Variants in PHF20 observed in about 807,000 individuals in gnomAD.
PHF20 encodes the protein PHD finger protein 20.
In PHF20, 23 loss-of-function variants were observed where a neutral mutation model predicts 113.5. That is an observed-to-expected ratio of 0.20 (90% CI 0.15 to 0.29). PHF20 has a LOEUF of 0.29. PHF20 is among the 10% of genes least tolerant of loss of function. PHF20 has a pLI of 1.00. For synonymous variants in PHF20, 434 were observed against 457.3 expected (o/e 0.95, Z 0.65); for missense variants, 943 against 1,219.6 (o/e 0.77, Z 3.38).
chr20:35,919,131 C>T (rs996054293), intron 13 of PHF20, among the ~76,000 whole-genome samples: 2 of 151,868 alleles, frequency 1.3e-5, no homozygotes, highest in African/African-American at 4.8e-5. Context: ...ATTCGCCTGC[C>T]TCCACTGCCC....
chr20:35,888,645 A>G (rs895445646), intron 9 of PHF20, among the ~76,000 whole-genome samples: 2 of 152,032 alleles, frequency 1.3e-5, no homozygotes, highest in Non-Finnish European at 2.9e-5. Context: ...TCTTCTGGGC[A>G]TGGTGGCTCA....
intron 2 of PHF20, among the ~76,000 whole-genome samples, chr20:35,802,387 C>T (rs933132891): frequency 4.0e-5 from 6 of 151,680 alleles, no homozygotes; most frequent in Non-Finnish European, 5.9e-5. Flanking sequence ...CTCTGTCACC[C>T]AGGCAGATCT....
chr20:35,822,792 T>C (rs1031994217), intron 2 of PHF20, among the ~76,000 whole-genome samples: 9 of 146,740 alleles, frequency 6.1e-5, no homozygotes, highest in Admixed American at 2.1e-4. Context: ...GAGCCATGAT[T>C]ATGCCACTGC....
intron 9 of PHF20, among the ~76,000 whole-genome samples, chr20:35,880,031 G>T (rs1358327400): frequency 6.6e-6 from 1 of 152,060 alleles, no homozygotes; most frequent in Non-Finnish European, 1.5e-5. Flanking sequence ...GAGAGAGAAA[G>T]AAATTAATTG....
intron 13 of PHF20, 100 bp from the exon 14 acceptor site, chr20:35,927,680 C>T (rs1452282087): frequency 1.1e-6 from 1 of 886,792 alleles, no homozygotes; most frequent in South Asian, 1.3e-5. Flanking sequence ...CTCCCCTCTC[C>T]TTCTATCCTC....
At position 35,871,152 on chromosome 20, in the gene PHF20, G is replaced by T; in HGVS notation, c.1102+18G>T. 6.3e-7 allele frequency: 1 copy of T among 1,591,240 alleles called. No individual in the cohort carries two copies. The highest frequency in any genetic ancestry group is 1.2e-5 in the South Asian group (1 of 86,448). On this transcript the variant is annotated intron_variant, in intron 8 of 17. Transcript: ENST00000374012. ...TGAAGAAGGTGAGTCAGTCTGTTCA[G>T]GAATTGTCTTGCCAACCTGGTTCCT...
At chr20:35,855,930 C>T (rs778031969) in intron 4 of PHF20, among the ~76,000 whole-genome samples, 38 of 152,152 alleles carry the variant, frequency 2.5e-4, no homozygotes, top group Non-Finnish European at 5.3e-4. Context: ...TCACCCGCCT[C>T]GGTCTCCCAA....
chr20:35,923,158 G>A (rs942672901), intron 13 of PHF20, among the ~76,000 whole-genome samples: 1 of 152,172 alleles, frequency 6.6e-6, no homozygotes, highest in African/African-American at 2.4e-5. Flanking sequence ...GCGTATGGCT[G>A]TGTTCACATA....
At chr20:35,802,899 A>G (rs1331764898) in intron 2 of PHF20, among the ~76,000 whole-genome samples, 3 of 144,928 alleles carry the variant, frequency 2.1e-5, no homozygotes, top group Admixed American at 7.2e-5. Context: ...AGATTGCACC[A>G]CTGCACTCCA....
rs986965125 is a variant in PHF20 at position 35,813,043 on chromosome 20, A to T, written c.83+11438A>T. Among the ~76,000 whole-genome samples, 4 of 152,134 alleles carry T rather than the reference A, an allele frequency of 2.6e-5. No homozygotes were observed. In the East Asian group the frequency reaches 7.7e-4, roughly 29 times the overall value. The stretch of plus-strand genomic sequence containing the variant: ...GAGCACAGTGGTGCGATCTTGGCTC[A>T]CTGCAAGCTCTGCCTCTCAGGTTCA... On this transcript the variant is annotated intron_variant, in intron 2 of 17. Coordinates refer to ENST00000374012, the MANE Select transcript of PHF20 (RefSeq NM_016436.5).
At chr20:35,780,227 T>C (rs1347919123) in intron 1 of PHF20, among the ~76,000 whole-genome samples, 2 of 147,206 alleles carry the variant, frequency 1.4e-5, no homozygotes, top group South Asian at 2.2e-4. Context: ...ATTTCTTTTT[T>C]TTTTTTTTTT....
chr20:35,914,206 G>A lies in PHF20; in HGVS notation c.1825+9G>A, dbSNP rs1237861334. ...GAAAGTGAAAGCATTGGGTAAGGAGGCTCTTCTGTCCTGATCATTTGCTGA... is the reference window on the plus strand; with the variant it reads ...GAAAGTGAAAGCATTGGGTAAGGAGACTCTTCTGTCCTGATCATTTGCTGA... On this transcript the variant is annotated intron_variant, in intron 12 of 17. Transcript: ENST00000374012. The A allele has an allele frequency of 6.2e-7, 1 of 1,613,854 alleles. No homozygotes were observed. The highest frequency in any genetic ancestry group is 1.7e-5 in the Admixed American group (1 of 60,010).
At chr20:35,945,496 T>C (rs2056069009) in intron 17 of PHF20, among the ~76,000 whole-genome samples, 1 of 151,826 alleles carries the variant, frequency 6.6e-6, no homozygotes, top group Non-Finnish European at 1.5e-5. Flanking sequence ...TTTAGAAAGG[T>C]GGAGAGGAAG....
intron 1 of PHF20, among the ~76,000 whole-genome samples, chr20:35,775,754 C>CAAAAA (rs11167276): frequency 3.5e-5 from 3 of 85,458 alleles, no homozygotes; most frequent in Non-Finnish European, 6.2e-5. Context: ...ACTCTGTCTC[C>CAAAAA]AAAAAAAAAA....
At chr20:35,821,359 C>T (rs769277985) in intron 2 of PHF20, among the ~76,000 whole-genome samples, 6 of 149,938 alleles carry the variant, frequency 4.0e-5, no homozygotes, top group African/African-American at 4.9e-5. Flanking sequence ...TGCTTGAACC[C>T]GGGAGGTGGA....
chr20:35,794,131 T>G (rs2041619949), intron 1 of PHF20, among the ~76,000 whole-genome samples: 1 of 151,476 alleles, frequency 6.6e-6, no homozygotes, highest in Admixed American at 6.6e-5. Flanking sequence ...AGAAACCCCT[T>G]CTCTGCTAAA....
chr20:35,802,518 G>T (rs1192519536), intron 2 of PHF20, among the ~76,000 whole-genome samples: 2 of 152,014 alleles, frequency 1.3e-5, no homozygotes, highest in Admixed American at 6.6e-5. Context: ...GCTAAAGAAG[G>T]AAGAGTTTAA....
In PHF20 at chr20:35,871,150, C is replaced by T. The variant is rs373080910; in HGVS notation, c.1102+16C>T. On this transcript the variant is annotated intron_variant, in intron 8 of 17. Transcript: ENST00000374012. ...TCTGAAGAAGGTGAGTCAGTCTGTT[C>T]AGGAATTGTCTTGCCAACCTGGTTC... is the stretch of plus-strand genomic sequence containing the variant. 6.3e-5 allele frequency: 100 copies of T among 1,591,934 alleles called. No homozygotes were observed. In the Admixed American group the frequency reaches 1.8e-3, roughly 29 times the overall value.
chr20:35,870,593 G>C (rs1209003415), intron 7 of PHF20, among the ~76,000 whole-genome samples: 1 of 139,266 alleles, frequency 7.2e-6, no homozygotes, highest in African/African-American at 2.6e-5. Flanking sequence ...TATCCTGTTG[G>C]CTCCAAAAAG....
Sources: gnomAD v4.1 joint callset for allele counts (sites outside exome capture counted in the v4.1 genomes callset) on GRCh38, gnomAD v4.1.1 for gene constraint, MANE v1.5 for transcripts, NCBI Gene and HGNC (gene_info 2026-07-23, HGNC 2026-07-21) for gene names.